Variants in RASGRP1 observed in about 807,000 individuals in gnomAD.
RASGRP1 encodes RAS guanyl releasing protein 1.
RASGRP1 carries 37 observed loss-of-function variants against 95.1 expected under a neutral mutation model. The ratio of observed to expected loss-of-function variants is 0.39; its 90% CI spans 0.30 to 0.51. The LOEUF (loss-of-function observed/expected upper bound fraction) is 0.51, where lower values mean the gene tolerates loss of function less well. RASGRP1 is among the 20% of genes least tolerant of loss of function. The probability of loss-of-function intolerance (pLI) is 0.80; values close to 1 mark genes in which losing one functional copy is unlikely to be tolerated. For synonymous variants in RASGRP1, 325 were observed against 353.4 expected (o/e 0.92, Z 0.90); for missense variants, 711 against 965.4 (o/e 0.74, Z 3.49).
rs759767160 is a variant in RASGRP1 at position 38,494,587 on chromosome 15, C to T, written c.2054G>A (p.Gly685Asp). 24 of 1,561,796 alleles carry T rather than the reference C, an allele frequency of 1.5e-5. No individual in the cohort carries two copies. The highest frequency in any genetic ancestry group is 2.1e-5 in the Non-Finnish European group (24 of 1,157,252). ...AGACAGCACAAAGGGACCTGAAGGG[C>T]CCTCACTGCCAATCCAAGGCTGTGA... ...TESQPWIGSEGPSGPFVLSSP... is the reference protein window; with the variant it reads ...TESQPWIGSEDPSGPFVLSSP... Residue 685 changes from glycine to aspartate, a missense_variant, in exon 16 of 17, where the codon GGC becomes GAC. Coordinates refer to ENST00000310803, the MANE Select transcript of RASGRP1 (RefSeq NM_005739.4).
intron 2 of RASGRP1, among the ~76,000 whole-genome samples, chr15:38,539,584 ATTATAC>A (rs1892786279): frequency 6.7e-6 from 1 of 149,182 alleles, no homozygotes; most frequent in Non-Finnish European, 1.5e-5. Context: ...ATTTATTATT[ATTATAC>A]TTTAAGTTTT....
chr15:38,505,060 A>G (rs565249438), intron 10 of RASGRP1: 1 of 152,358 alleles, frequency 6.6e-6, no homozygotes, highest in East Asian at 1.9e-4. Flanking sequence ...ATCTTTCATT[A>G]CAATAGAAAG....
At chr15:38,516,400 G>A (rs372720440) in intron 5 of RASGRP1, 50 bp from the exon 6 acceptor site, 66 of 1,553,972 alleles carry the variant, frequency 4.2e-5, no homozygotes, top group Middle Eastern at 1.9e-4. Flanking sequence ...GGAATAAATC[G>A]CTTTTTGCAA....
At chr15:38,534,714 A>T (rs1892574196) in intron 2 of RASGRP1, 1 of 152,238 alleles carries the variant, frequency 6.6e-6, no homozygotes, top group Admixed American at 6.5e-5. Context: ...AGAGGGAAAA[A>T]TCTGGTTAAC....
chr15:38,495,764 C>A (rs1280036597), intron 15 of RASGRP1, among the ~76,000 whole-genome samples: 2 of 151,916 alleles, frequency 1.3e-5, no homozygotes, highest in East Asian at 1.9e-4. Context: ...TTATGGTCAC[C>A]CTAAAATAAT....
At chr15:38,560,931 G>A (rs530845219) in intron 1 of RASGRP1, among the ~76,000 whole-genome samples, 11 of 152,240 alleles carry the variant, frequency 7.2e-5, no homozygotes, top group South Asian at 6.2e-4. Context: ...GTCATTTTGC[G>A]AAATGATTTG....
At chr15:38,559,194 T>A (rs1244099316) in intron 2 of RASGRP1, among the ~76,000 whole-genome samples, 1 of 152,206 alleles carries the variant, frequency 6.6e-6, no homozygotes, top group Non-Finnish European at 1.5e-5. Flanking sequence ...TTTCAGATAA[T>A]TGCTTGATGG....
intron 2 of RASGRP1, among the ~76,000 whole-genome samples, chr15:38,539,245 G>A (rs994232284): frequency 1.3e-5 from 2 of 152,140 alleles, no homozygotes; most frequent in Non-Finnish European, 2.9e-5. Flanking sequence ...GGTATTGAGG[G>A]TTTCCAGAGC....
intron 2 of RASGRP1, among the ~76,000 whole-genome samples, chr15:38,535,863 T>A (rs955156785): frequency 6.6e-6 from 1 of 152,220 alleles, no homozygotes; most frequent in Non-Finnish European, 1.5e-5. Flanking sequence ...GGACTTGTCA[T>A]GTCTGAAGAA....
At chr15:38,491,081 T>C (rs1890559953) in intron 16 of RASGRP1, among the ~76,000 whole-genome samples, 1 of 152,224 alleles carries the variant, frequency 6.6e-6, no homozygotes, top group Non-Finnish European at 1.5e-5. Context: ...GTTAATTTTA[T>C]CTAAGTTTCC....
chr15:38,520,891 T>C (rs1025380328), intron 3 of RASGRP1, among the ~76,000 whole-genome samples: 20 of 152,196 alleles, frequency 1.3e-4, no homozygotes, highest in African/African-American at 3.9e-4. Flanking sequence ...ACAAGAACTA[T>C]GGTTATAAAA....
intron 13 of RASGRP1, 68 bp downstream of exon 13, chr15:38,501,073 CTG>C: frequency 6.8e-7 from 1 of 1,471,236 alleles, no homozygotes; most frequent in South Asian, 1.4e-5. Flanking sequence ...ATTGTGAGGT[CTG>C]TGCCTGTCTT....
At chr15:38,535,318 A>G (rs1452263024) in intron 2 of RASGRP1, among the ~76,000 whole-genome samples, 1 of 152,128 alleles carries the variant, frequency 6.6e-6, no homozygotes, top group South Asian at 2.1e-4. Context: ...CATCCATGTT[A>G]CATGGCTAAA....
In RASGRP1 at chr15:38,498,797, G is replaced by A. The variant is rs1890899223; in HGVS notation, c.1870C>T (p.His624Tyr). ...AATGTTCCCAGTGCCTACTTACCAT[G>A]GAGCAGATCTTTGGCTCCCAATGAG... ...LCSLGAKDLL[H>Y]APEEGPFTFP... Residue 624 changes from histidine (H) to tyrosine (Y), a missense_variant, in exon 15 of 17, where the codon CAT (histidine) becomes TAT (tyrosine). Coordinates refer to ENST00000310803, the MANE Select transcript of RASGRP1 (RefSeq NM_005739.4). The A allele has an allele frequency of 6.2e-7, 1 of 1,612,728 alleles. No individual in the cohort carries two copies. Among genetic ancestry groups the A allele is most frequent in the African/African-American group, 1.3e-5 (1 of 74,922 alleles).
chr15:38,518,379 C>G lies in RASGRP1; in HGVS notation c.434G>C (p.Ser145Thr), dbSNP rs1255024718. ...EFWVMFKMDA[S>T]LTDTMEEFQE... ...AAACTCCTCCATAGTGTCTGTCAAG[C>G]TGGCGTCCATTTTAAACATGACCCA... Residue 145 changes from serine to threonine, a missense_variant, in exon 5 of 17, where the codon AGC becomes ACC. Physicochemically the swap from Ser to Thr is moderately conservative, Grantham distance 58 (BLOSUM62 1). Around this residue, in one of 3 missense-constraint regions of RASGRP1, gnomAD observed 491 missense variants for 676.6 expected, o/e 0.73. Coordinates refer to ENST00000310803, the MANE Select transcript of RASGRP1 (RefSeq NM_005739.4). 6.2e-7 allele frequency: 1 copy of G among 1,608,090 alleles called. No homozygotes were observed. Among genetic ancestry groups the G allele is most frequent in the African/African-American group, 1.3e-5 (1 of 74,822 alleles).
intron 10 of RASGRP1, chr15:38,504,114 T>G (rs1320451400): frequency 6.6e-6 from 1 of 152,200 alleles, no homozygotes; most frequent in Non-Finnish European, 1.5e-5. Flanking sequence ...ATGTTACACC[T>G]GTATAGGGCA....
intron 2 of RASGRP1, among the ~76,000 whole-genome samples, chr15:38,558,934 G>A (rs918360320): frequency 2.0e-5 from 3 of 152,150 alleles, no homozygotes; most frequent in South Asian, 2.1e-4. Context: ...CCAGGGTTGG[G>A]GTAGGCTTGG....
rs1415673240 is a variant in RASGRP1 at position 38,499,137 on chromosome 15, T to C, written c.1721-191A>G. On this transcript the variant is annotated intron_variant, in intron 14 of 16. Transcript: ENST00000310803. ...TGAAGCCCAGAGCTCACACTCTTGA[T>C]GTAGCCCTTATCAGTGAATCTCAGC... is the stretch of plus-strand genomic sequence containing the variant. The C allele has an allele frequency of 5.1e-6, 4 of 777,754 alleles. No individual in the cohort carries two copies. In the East Asian group the frequency reaches 1.0e-4, roughly 20 times the overall value. 48.2% of individuals were successfully genotyped at this position (777,754 alleles called of 1,614,324 possible). A position where few individuals can be genotyped will look rare whatever the true frequency, so the allele number is the denominator to read the frequency against.
At position 38,520,485 on chromosome 15, in the gene RASGRP1, T is replaced by A. The variant is rs116456012; in HGVS notation, c.327-1114A>T. On this transcript the variant is annotated intron_variant, in intron 3 of 16. Transcript: ENST00000310803. ...GAAGGAGATCTGTGCATTTTGAAAT[T>A]GTATATGCTTGTAATGTTTAAAAGC... is the stretch of plus-strand genomic sequence containing the variant. Among the ~76,000 whole-genome samples, 714 of 152,350 alleles carry A rather than the reference T, an allele frequency of 4.7e-3. 6 individuals carry two copies. The highest frequency in any genetic ancestry group is 0.017 in the African/African-American group (688 of 41,590).
Sources: allele counts gnomAD v4.1 joint callset (sites outside exome capture counted in the v4.1 genomes callset), GRCh38; gene constraint gnomAD v4.1.1; regional missense constraint gnomAD v4.1.1; transcripts MANE v1.5; gene names NCBI Gene and HGNC (gene_info 2026-07-23, HGNC 2026-07-21).